The following ABHD16B variants were observed in gnomAD, a reference collection of about 807,000 sequenced individuals.
ABHD16B encodes abhydrolase domain containing 16B.
ABHD16B carries 14 observed loss-of-function variants against 10.5 expected under a neutral mutation model. That is an observed-to-expected ratio of 1.33 (90% CI 0.88 to 2.08). The LOEUF (loss-of-function observed/expected upper bound fraction) is 2.08. Among genes scored for constraint, ABHD16B ranks in the 30% most tolerant of loss-of-function variants. ABHD16B has a pLI of 0.00. For missense variants in ABHD16B, 763 were observed against 717.4 expected (o/e 1.06, Z -0.73); for synonymous variants, 374 against 337.9 (o/e 1.11, Z -1.17).
chr20:63,861,602 G>C lies in ABHD16B; in HGVS notation c.62G>C (p.Ser21Thr), dbSNP rs1296446419. The change falls in exon 1 of 1, where the codon AGC becomes ACC. Residue 21 changes from serine to threonine, a missense_variant. Coordinates refer to ENST00000369916, the MANE Select transcript of ABHD16B (RefSeq NM_080622.4). The surrounding 1 kb of genome is among the most constrained non-coding windows in gnomAD (Gnocchi z 5.4). ...GTGTTCAAGATCTACCTGACCGCCA[G>C]CTACACCTACCCATTCCGCGGCTGG... The part of the protein sequence containing the change: ...VRVFKIYLTA[S>T]YTYPFRGWPV... The C allele has an allele frequency of 1.9e-6, 3 of 1,559,634 alleles. No individual in the cohort carries two copies. Among genetic ancestry groups the C allele is most frequent in the South Asian group, 2.3e-5 (2 of 85,206 alleles).
At position 63,861,889 on chromosome 20, in the gene ABHD16B, T is replaced by C; in HGVS notation, c.349T>C (p.Ser117Pro). The change falls in exon 1 of 1, where the codon TCC (serine) becomes CCC (proline). Residue 117 changes from serine to proline, a missense_variant. Ser to Pro is a moderately conservative substitution (Grantham distance 74, BLOSUM62 -1). Transcript: ENST00000369916. The surrounding 1 kb of genome is among the most constrained non-coding windows in gnomAD (Gnocchi z 5.4). ...CTGGCTCGTGTACCCCGGCTCCGTG[T>C]CCCTGATGACGCGCGCGCTGCTGCC... The part of the protein sequence containing the change: ...GRWLVYPGSV[S>P]LMTRALLPLL... 1 of 1,580,258 alleles carries C rather than the reference T, an allele frequency of 6.3e-7. No homozygotes were observed.
In ABHD16B at chr20:63,861,725, T is replaced by C. The variant is rs2052083907; in HGVS notation, c.185T>C (p.Leu62Pro). The change falls in exon 1 of 1, where the codon CTG (leucine) becomes CCG (proline). Residue 62 changes from leucine (L) to proline (P), a missense_variant. Physicochemically the swap from Leu to Pro is moderately conservative, Grantham distance 98. Coordinates refer to ENST00000369916, the MANE Select transcript of ABHD16B (RefSeq NM_080622.4). The surrounding 1 kb of genome is among the most constrained non-coding windows in gnomAD (Gnocchi z 5.4). ...CAAAAAGVWL[L>P]RDETLGGDAL... ...GCAGCCGCGGCGGGCGTGTGGTTGC[T>C]GCGGGACGAGACGCTGGGCGGGGAT... 2 of 1,434,560 alleles carry C rather than the reference T, an allele frequency of 1.4e-6. No homozygotes were observed. The highest frequency in any genetic ancestry group is 5.8e-5 in the East Asian group (2 of 34,216). The allele number at this position is 1,434,560 out of a possible 1,614,324, so 88.9% of individuals were successfully genotyped here.
chr20:63,862,238 G>A lies in ABHD16B; in HGVS notation c.698G>A (p.Arg233His), dbSNP rs2052094705. 3.1e-6 allele frequency: 5 copies of A among 1,611,758 alleles called. No individual in the cohort carries two copies. Among genetic ancestry groups the A allele is most frequent in the Non-Finnish European group, 3.4e-6 (4 of 1,179,698 alleles). ...MDVVVEYALH[R>H]LHFPPAHLVV... ...GTGGTGGTCGAGTACGCACTGCACC[G>A]CCTGCACTTCCCGCCCGCGCACCTG... Residue 233 changes from arginine (R) to histidine (H), a missense_variant, in exon 1 of 1, where the codon CGC becomes CAC. Coordinates refer to ENST00000369916, the MANE Select transcript of ABHD16B (RefSeq NM_080622.4). This position sits in a 1 kb window ranked among gnomAD's most constrained non-coding sequence, Gnocchi z 7.5.
Position 63,862,740 on chromosome 20 carries a change from C to T in ABHD16B, c.1200C>T (p.Ser400=). ...DEDWCLALLR[S]YRARCEEELE... is the part of the protein sequence containing the mutation. ...ACTGGTGCCTGGCGCTGCTGCGCTCCTACCGTGCACGCTGCGAAGAGGAGC... is the reference window on the plus strand; with the variant it reads ...ACTGGTGCCTGGCGCTGCTGCGCTCTTACCGTGCACGCTGCGAAGAGGAGC... Residue 400 remains serine (S), a synonymous_variant, in exon 1 of 1, where the codon TCC becomes TCT. Coordinates refer to ENST00000369916, the MANE Select transcript of ABHD16B (RefSeq NM_080622.4). This position sits in a 1 kb window ranked among gnomAD's most constrained non-coding sequence, Gnocchi z 7.5. 1.3e-6 allele frequency: 2 copies of T among 1,528,126 alleles called. No individual in the cohort carries two copies. The highest frequency in any genetic ancestry group is 1.8e-6 in the Non-Finnish European group (2 of 1,140,490). 94.7% of individuals were successfully genotyped at this position (1,528,126 alleles called of 1,614,324 possible).
Position 63,862,250 on chromosome 20 carries a change from C to T in ABHD16B, c.710C>T (p.Pro237Leu), listed in dbSNP as rs748202951. ...VEYALHRLHF[P>L]PAHLVVYGWS... ...TACGCACTGCACCGCCTGCACTTCC[C>T]GCCCGCGCACCTGGTGGTCTACGGC... The change falls in exon 1 of 1, where the codon CCG becomes CTG. Residue 237 changes from proline to leucine, a missense_variant. By Grantham distance (98) the Pro-to-Leu change is moderately conservative. Transcript: ENST00000369916. This position sits in a 1 kb window ranked among gnomAD's most constrained non-coding sequence, Gnocchi z 7.5. The T allele has an allele frequency of 4.3e-6, 7 of 1,611,898 alleles. No homozygotes were observed. The highest frequency in any genetic ancestry group is 3.3e-5 in the Admixed American group (2 of 59,950).
rs766308456 is a variant in ABHD16B, at chr20:63,862,433, A to T, written c.893A>T (p.His298Leu). The change falls in exon 1 of 1, where the codon CAC becomes CTC. Residue 298 changes from histidine to leucine, a missense_variant. By Grantham distance (99) the His-to-Leu change is moderately conservative. Transcript: ENST00000369916. This position sits in a 1 kb window ranked among gnomAD's most constrained non-coding sequence, Gnocchi z 7.5. ...KGLVVRTVREHFNLNVAEQLC... is the reference protein window; with the variant it reads ...KGLVVRTVRELFNLNVAEQLC... ...CTGGTGGTGCGCACCGTGCGCGAGCACTTCAACCTCAACGTGGCCGAGCAG... is the reference window on the plus strand; with the variant it reads ...CTGGTGGTGCGCACCGTGCGCGAGCTCTTCAACCTCAACGTGGCCGAGCAG... The T allele has an allele frequency of 5.1e-6, 8 of 1,579,670 alleles. No homozygotes were observed. In the South Asian group the frequency reaches 8.0e-5, roughly 16 times the overall value.
Position 63,862,733 on chromosome 20 carries a change from T to A in ABHD16B, c.1193T>A (p.Leu398Gln). 1 of 1,530,094 alleles carries A rather than the reference T, an allele frequency of 6.5e-7. No homozygotes were observed. 94.8% of individuals were successfully genotyped at this position (1,530,094 alleles called of 1,614,324 possible). A position where few individuals can be genotyped will look rare whatever the true frequency, so the allele number is the denominator to read the frequency against. The change falls in exon 1 of 1, where the codon CTG (leucine) becomes CAG (glutamine). Residue 398 changes from leucine (L) to glutamine (Q), a missense_variant. Transcript: ENST00000369916. The surrounding 1 kb of genome is among the most constrained non-coding windows in gnomAD (Gnocchi z 7.5). ...RVDEDWCLAL[L>Q]RSYRARCEEE... The stretch of plus-strand genomic sequence containing the variant: ...GACGAGGACTGGTGCCTGGCGCTGC[T>A]GCGCTCCTACCGTGCACGCTGCGAA...
rs369855711 is a variant in ABHD16B, at chr20:63,862,838, G to A, written c.1298G>A (p.Arg433Gln). The A allele has an allele frequency of 2.0e-6, 3 of 1,535,118 alleles. No individual in the cohort carries two copies. The highest frequency in any genetic ancestry group is 1.7e-6 in the Non-Finnish European group (2 of 1,145,386). The change falls in exon 1 of 1, where the codon CGG becomes CAG. Residue 433 changes from arginine to glutamine, a missense_variant. Transcript: ENST00000369916. The surrounding 1 kb of genome is among the most constrained non-coding windows in gnomAD (Gnocchi z 7.5). ...CTGGTGGGCCAGGGCCTGAGCTCGC[G>A]GCGGCGCCGGCGCCTCGCACTGTTC... ...PWLVGQGLSSRRRRRLALFLA... is the reference protein window; with the variant it reads ...PWLVGQGLSSQRRRRLALFLA...
Position 63,862,532 on chromosome 20 carries a change from T to A in ABHD16B, c.992T>A (p.Leu331Gln). The change falls in exon 1 of 1, where the codon CTG becomes CAG. Residue 331 changes from leucine (L) to glutamine (Q), a missense_variant. Physicochemically the swap from Leu to Gln is moderately radical, Grantham distance 113. Transcript: ENST00000369916. The surrounding 1 kb of genome is among the most constrained non-coding windows in gnomAD (Gnocchi z 7.5). ...GACGTGGTCAGCACTTCGGGCCGCC[T>A]GCGCCCCCTGTCACCTGGTGACGTG... ...QDDVVSTSGR[L>Q]RPLSPGDVEG... The A allele has an allele frequency of 1.9e-6, 3 of 1,569,654 alleles. No homozygotes were observed. Among genetic ancestry groups the A allele is most frequent in the Non-Finnish European group, 2.6e-6 (3 of 1,163,436 alleles).
chr20:63,862,452 C>G lies in ABHD16B; in HGVS notation c.912C>G (p.Ala304=), dbSNP rs765169088. The change falls in exon 1 of 1, where the codon GCC becomes GCG. Residue 304 remains alanine (A), a synonymous_variant. Transcript: ENST00000369916. The surrounding 1 kb of genome is among the most constrained non-coding windows in gnomAD (Gnocchi z 7.5). ...GCGAGCACTTCAACCTCAACGTGGCCGAGCAGCTGTGCTGCTACCCGGGGC... is the reference window on the plus strand; with the variant it reads ...GCGAGCACTTCAACCTCAACGTGGCGGAGCAGCTGTGCTGCTACCCGGGGC... The part of the protein sequence containing the change: ...TVREHFNLNV[A]EQLCCYPGPV... 3.2e-6 allele frequency: 5 copies of G among 1,569,008 alleles called. No individual in the cohort carries two copies. The South Asian group carries it at 4.6e-5, about 14-fold the overall frequency.
chr20:63,862,890 G>C lies in ABHD16B; in HGVS notation c.1350G>C (p.Val450=), dbSNP rs761115711. 1 of 1,538,178 alleles carries C rather than the reference G, an allele frequency of 6.5e-7. No homozygotes were observed. Residue 450 remains valine (V), a synonymous_variant, in exon 1 of 1, where the codon GTG becomes GTC. Transcript: ENST00000369916. This position sits in a 1 kb window ranked among gnomAD's most constrained non-coding sequence, Gnocchi z 7.5. ...LFLARKHLKN[V]EATHFSPLEP... ...TGGCTCGGAAGCACCTCAAGAACGT[G>C]GAGGCGACTCACTTCAGCCCTCTGG...
At position 63,861,598 on chromosome 20, in the gene ABHD16B, G is replaced by C. The variant is rs1224851187; in HGVS notation, c.58G>C (p.Ala20Pro). Reference sequence around the variant, plus strand: ...GCGCGTGTTCAAGATCTACCTGACCGCCAGCTACACCTACCCATTCCGCGG... The same window carrying C: ...GCGCGTGTTCAAGATCTACCTGACCCCCAGCTACACCTACCCATTCCGCGG... ...LVRVFKIYLT[A>P]SYTYPFRGWP... Residue 20 changes from alanine (A) to proline (P), a missense_variant, in exon 1 of 1, where the codon GCC becomes CCC. Ala to Pro is a conservative substitution (Grantham distance 27). Coordinates refer to ENST00000369916, the MANE Select transcript of ABHD16B (RefSeq NM_080622.4). This position sits in a 1 kb window ranked among gnomAD's most constrained non-coding sequence, Gnocchi z 5.4. The C allele has an allele frequency of 6.4e-7, 1 of 1,560,050 alleles. No homozygotes were observed.
At position 63,862,728 on chromosome 20, in the gene ABHD16B, G is replaced by T; in HGVS notation, c.1188G>T (p.Ala396=). The change falls in exon 1 of 1, where the codon GCG becomes GCT. Residue 396 remains alanine, a synonymous_variant. Coordinates refer to ENST00000369916, the MANE Select transcript of ABHD16B (RefSeq NM_080622.4). The surrounding 1 kb of genome is among the most constrained non-coding windows in gnomAD (Gnocchi z 7.5). ...RYRVDEDWCL[A]LLRSYRARCE... ...GCGTGGACGAGGACTGGTGCCTGGCGCTGCTGCGCTCCTACCGTGCACGCT... is the reference window on the plus strand; with the variant it reads ...GCGTGGACGAGGACTGGTGCCTGGCTCTGCTGCGCTCCTACCGTGCACGCT... 2 of 1,529,882 alleles carry T rather than the reference G, an allele frequency of 1.3e-6. No individual in the cohort carries two copies. The highest frequency in any genetic ancestry group is 1.8e-6 in the Non-Finnish European group (2 of 1,141,958). The allele number at this position is 1,529,882 out of a possible 1,614,324, so 94.8% of individuals were successfully genotyped here.
Position 63,862,524 on chromosome 20 carries a change from G to C in ABHD16B, c.984G>C (p.Ser328=), listed in dbSNP as rs750477284. 2.1e-5 allele frequency: 33 copies of C among 1,569,168 alleles called. No homozygotes were observed. Among genetic ancestry groups the C allele is most frequent in the Middle Eastern group, 1.7e-4 (1 of 6,048 alleles). Residue 328 remains serine, a synonymous_variant, in exon 1 of 1, where the codon TCG becomes TCC. Transcript: ENST00000369916. The surrounding 1 kb of genome is among the most constrained non-coding windows in gnomAD (Gnocchi z 7.5). ...RRTQDDVVST[S]GRLRPLSPGD... is the part of the protein sequence containing the mutation. ...CGCAGGATGACGTGGTCAGCACTTC[G>C]GGCCGCCTGCGCCCCCTGTCACCTG... is the stretch of plus-strand genomic sequence containing the variant.
Position 63,862,503 on chromosome 20 carries a change from G to A in ABHD16B, c.963G>A (p.Gln321=). Residue 321 remains glutamine, a synonymous_variant, in exon 1 of 1, where the codon CAG becomes CAA. Coordinates refer to ENST00000369916, the MANE Select transcript of ABHD16B (RefSeq NM_080622.4). The surrounding 1 kb of genome is among the most constrained non-coding windows in gnomAD (Gnocchi z 7.5). ...CGGTGCTGCTGCTCCGACGCACGCA[G>A]GATGACGTGGTCAGCACTTCGGGCC... is the stretch of plus-strand genomic sequence containing the variant. ...PGPVLLLRRT[Q]DDVVSTSGRL... 1 of 1,567,266 alleles carries A rather than the reference G, an allele frequency of 6.4e-7. No homozygotes were observed. Among genetic ancestry groups the A allele is most frequent in the South Asian group, 1.2e-5 (1 of 86,948 alleles).
rs1173014462 is a variant in ABHD16B, at chr20:63,862,105, C to T, written c.565C>T (p.Leu189=). ...GNAGFYEMGC[L]SAPLEAGYSV... ...CGCGGGCTTCTACGAGATGGGCTGTCTGTCTGCACCGCTCGAGGCCGGCTA... is the reference window on the plus strand; with the variant it reads ...CGCGGGCTTCTACGAGATGGGCTGTTTGTCTGCACCGCTCGAGGCCGGCTA... The change falls in exon 1 of 1, where the codon CTG becomes TTG. Residue 189 remains leucine, a synonymous_variant. Transcript: ENST00000369916. This position sits in a 1 kb window ranked among gnomAD's most constrained non-coding sequence, Gnocchi z 7.5. The T allele has an allele frequency of 6.2e-7, 1 of 1,612,042 alleles. No homozygotes were observed. Among genetic ancestry groups the T allele is most frequent in the Non-Finnish European group, 8.5e-7 (1 of 1,179,722 alleles).
rs761739522 is a variant in ABHD16B, at chr20:63,862,274, G to A, written c.734G>A (p.Gly245Asp). 5.0e-6 allele frequency: 8 copies of A among 1,611,730 alleles called. No individual in the cohort carries two copies. The highest frequency in any genetic ancestry group is 6.8e-6 in the Non-Finnish European group (8 of 1,179,626). Residue 245 changes from glycine (G) to aspartate (D), a missense_variant, in exon 1 of 1, where the codon GGC becomes GAC. Coordinates refer to ENST00000369916, the MANE Select transcript of ABHD16B (RefSeq NM_080622.4). The surrounding 1 kb of genome is among the most constrained non-coding windows in gnomAD (Gnocchi z 7.5). ...CCGCCCGCGCACCTGGTGGTCTACG[G>A]CTGGTCTGTTGGCGGCTTCACGGCC... ...HFPPAHLVVY[G>D]WSVGGFTATW...
At position 63,862,296 on chromosome 20, in the gene ABHD16B, G is replaced by A. The variant is rs375219434; in HGVS notation, c.756G>A (p.Thr252=). 194 of 1,611,348 alleles carry A rather than the reference G, an allele frequency of 1.2e-4. No homozygotes were observed. Among genetic ancestry groups the A allele is most frequent in the Non-Finnish European group, 1.5e-4 (177 of 1,179,564 alleles). The change falls in exon 1 of 1, where the codon ACG becomes ACA. Residue 252 remains threonine, a synonymous_variant. Transcript: ENST00000369916. The surrounding 1 kb of genome is among the most constrained non-coding windows in gnomAD (Gnocchi z 7.5). ...VVYGWSVGGF[T]ATWATMTYPE... ...ACGGCTGGTCTGTTGGCGGCTTCACGGCCACCTGGGCCACCATGACCTACC... is the reference window on the plus strand; with the variant it reads ...ACGGCTGGTCTGTTGGCGGCTTCACAGCCACCTGGGCCACCATGACCTACC...
Position 63,862,329 on chromosome 20 carries a change from G to T in ABHD16B, c.789G>T (p.Leu263=). The change falls in exon 1 of 1, where the codon CTG becomes CTT. Residue 263 remains leucine (L), a synonymous_variant. Transcript: ENST00000369916. The surrounding 1 kb of genome is among the most constrained non-coding windows in gnomAD (Gnocchi z 7.5). The part of the protein sequence containing the change: ...ATWATMTYPE[L]GALVLDATFD... ...GGGCCACCATGACCTACCCGGAGCT[G>T]GGTGCACTGGTGCTGGACGCCACCT... 3 of 1,612,326 alleles carry T rather than the reference G, an allele frequency of 1.9e-6. No individual in the cohort carries two copies. The highest frequency in any genetic ancestry group is 2.5e-6 in the Non-Finnish European group (3 of 1,179,748).
Sources: allele counts gnomAD v4.1 joint callset, GRCh38; gene constraint gnomAD v4.1.1; non-coding constraint Gnocchi (gnomAD v3.1); transcripts MANE v1.5; gene names NCBI Gene and HGNC (gene_info 2026-07-23, HGNC 2026-07-21).